SCN3A: variants seen among roughly 807,000 people sequenced by gnomAD.
SCN3A encodes the protein sodium voltage-gated channel alpha subunit 3.
Under a neutral mutation model 187.6 loss-of-function variants are expected in SCN3A, and 60 were observed. The observed-to-expected ratio is 0.32, with a 90% confidence interval of 0.26 to 0.40. SCN3A has a LOEUF of 0.40. SCN3A is among the 10% of genes least tolerant of loss of function. SCN3A has a pLI of 1.00. For synonymous variants in SCN3A, 788 were observed against 829.2 expected (o/e 0.95, Z 0.85); for missense variants, 1,601 against 2,428.2 (o/e 0.66, Z 7.16).
chr2:165,147,287 G>T (rs910587063), intron 11 of SCN3A, among the ~76,000 whole-genome samples: 125 of 138,252 alleles, frequency 9.0e-4, no homozygotes, highest in Non-Finnish European at 1.7e-3. Flanking sequence ...TTTTTTTGGG[G>T]GGGGGGGGTT....
At chr2:165,189,140 C>T (rs549633818) in intron 1 of SCN3A, among the ~76,000 whole-genome samples, 59 of 152,226 alleles carry the variant, frequency 3.9e-4, no homozygotes, top group African/African-American at 1.4e-3. Context: ...AAAACAAACA[C>T]ATTTCCTAAA....
rs191523092 is a variant in SCN3A, at chr2:165,172,777, C to T, written c.265-2229G>A. ...TACTAGCGGAATTACAGCTGACATG[C>T]TAAGAGCATCTTCGTTGAATTTATA... On this transcript the variant is annotated intron_variant, in intron 3 of 27. Transcript: ENST00000283254. Among the ~76,000 whole-genome samples, 10 of 152,202 alleles carry T rather than the reference C, an allele frequency of 6.6e-5. No individual in the cohort carries two copies. In the East Asian group the frequency reaches 1.9e-3, roughly 29 times the overall value.
chr2:165,121,962 G>A (rs983530446), intron 18 of SCN3A, among the ~76,000 whole-genome samples: 8 of 152,080 alleles, frequency 5.3e-5, no homozygotes, highest in African/African-American at 1.9e-4. Context: ...CATTTAGGGA[G>A]AAATTAACAT....
chr2:165,183,037 C>T (rs1434617782), intron 2 of SCN3A, among the ~76,000 whole-genome samples: 4 of 150,442 alleles, frequency 2.7e-5, no homozygotes, highest in South Asian at 2.1e-4. Flanking sequence ...AGAATATTCA[C>T]GGCATTGCCT....
intron 21 of SCN3A, among the ~76,000 whole-genome samples, chr2:165,103,602 G>T (rs915225630): frequency 5.3e-5 from 8 of 152,118 alleles, no homozygotes; most frequent in Non-Finnish European, 1.2e-4. Context: ...TCAGGGGTTG[G>T]TTCAGTTGTC....
chr2:165,181,135 T>G (rs1158985318), intron 2 of SCN3A, among the ~76,000 whole-genome samples: 1 of 152,180 alleles, frequency 6.6e-6, no homozygotes, highest in Non-Finnish European at 1.5e-5. Flanking sequence ...GAGAATACAT[T>G]TAGATTTTCA....
At position 165,168,759 on chromosome 2, in the gene SCN3A, A is replaced by G. The variant is rs1290957949; in HGVS notation, c.450T>C (p.Pro150=). 2 of 1,611,098 alleles carry G rather than the reference A, an allele frequency of 1.2e-6. No homozygotes were observed. The highest frequency in any genetic ancestry group is 2.7e-5 in the African/African-American group (2 of 74,816). The change falls in exon 5 of 28, where the codon CCT becomes CCC. Residue 150 remains proline, a synonymous_variant. Transcript: ENST00000283254. ...TNCVFMTLSN[P]PDWTKNVEYT... The stretch of plus-strand genomic sequence containing the variant: ...ACTCTACATTCTTTGTCCAGTCAGG[A>G]GGGTTGCTCAAGGTCATAAATACAC...
intron 15 of SCN3A, among the ~76,000 whole-genome samples, chr2:165,135,082 G>T (rs1026542085): frequency 6.6e-6 from 1 of 151,818 alleles, no homozygotes. Context: ...GATTGTTTTT[G>T]GTACATTTTA....
intron 2 of SCN3A, among the ~76,000 whole-genome samples, chr2:165,177,601 C>T (rs904403769): frequency 7.2e-5 from 11 of 152,010 alleles, no homozygotes; most frequent in East Asian, 1.9e-4. Context: ...ATTGTGACTA[C>T]GGAATTAAAG....
chr2:165,202,341 A>G (rs11673791), intron 1 of SCN3A, among the ~76,000 whole-genome samples: 3,054 of 152,142 alleles, frequency 0.02, 45 homozygotes, highest in Non-Finnish European at 0.028. Context: ...GCATTCATTC[A>G]TAAATGTAAA....
intron 7 of SCN3A, among the ~76,000 whole-genome samples, 170 bp downstream of exon 7, chr2:165,163,448 C>T (rs931347483): frequency 2.6e-5 from 4 of 152,054 alleles, no homozygotes; most frequent in Admixed American, 1.3e-4. Flanking sequence ...TTTATAAATA[C>T]GCATGTAATT....
chr2:165,156,047 G>T, intron 9 of SCN3A, 144 bp from the exon 10 acceptor site: 1 of 928,420 alleles, frequency 1.1e-6, no homozygotes, highest in Non-Finnish European at 1.7e-6. Flanking sequence ...TTAGGTGATT[G>T]CCCACCGTGA....
chr2:165,197,293 C>T (rs899991238), intron 1 of SCN3A, among the ~76,000 whole-genome samples: 1 of 152,098 alleles, frequency 6.6e-6, no homozygotes, highest in African/African-American at 2.4e-5. Context: ...GCCAAGTTTT[C>T]ATTGGCTTCT....
chr2:165,141,233 T>C (rs1032910881), intron 12 of SCN3A, among the ~76,000 whole-genome samples: 4 of 152,346 alleles, frequency 2.6e-5, no homozygotes, highest in East Asian at 3.9e-4. Flanking sequence ...TTACTAAGTA[T>C]ACAACCACTT....
In SCN3A at chr2:165,111,484, T is replaced by TACAC. The variant is rs60417556; in HGVS notation, c.3843+1397_3843+1400dup. Reference sequence around the variant, plus strand: ...CAAAGCCAGTCTGATGCCAGTCTGATACACACACACACACACACACACACA... The same window carrying TACAC: ...CAAAGCCAGTCTGATGCCAGTCTGATACACACACACACACACACACACACACACA... On this transcript the variant is annotated intron_variant, in intron 21 of 27. Transcript: ENST00000283254. Among the ~76,000 whole-genome samples, 308 of 142,616 alleles carry TACAC rather than the reference T, an allele frequency of 2.2e-3. 6 individuals carry two copies. Among genetic ancestry groups the TACAC allele is most frequent in the East Asian group, 0.02 (92 of 4,640 alleles). 93.6% of individuals were successfully genotyped at this position (142,616 alleles called of 152,430 possible).
rs534330091 is a variant in SCN3A, at chr2:165,088,787, C to T, written c.*1363G>A. The T allele has an allele frequency of 6.6e-6, 1 of 152,548 alleles. No homozygotes were observed. Among genetic ancestry groups the T allele is most frequent in the East Asian group, 1.9e-4 (1 of 5,184 alleles). The allele number at this position is 152,548 out of a possible 1,614,324, so 9.4% of individuals were successfully genotyped here. ...TATTTTTACATTATTTATATTTAAA[C>T]AAGTTTTAGACATATTTTTAGCAAA... On this transcript the variant is annotated 3_prime_UTR_variant, in exon 28 of 28. Coordinates refer to ENST00000283254, the MANE Select transcript of SCN3A (RefSeq NM_006922.4).
intron 21 of SCN3A, among the ~76,000 whole-genome samples, chr2:165,106,893 G>C (rs1685888802): frequency 6.6e-6 from 1 of 152,166 alleles, no homozygotes; most frequent in Admixed American, 6.5e-5. Context: ...GCTTGGTCCA[G>C]TTGATTGCAG....
At chr2:165,094,267 G>T in intron 26 of SCN3A, 107 bp downstream of exon 26, 1 of 846,904 alleles carries the variant, frequency 1.2e-6, no homozygotes, top group Non-Finnish European at 2.1e-6. Flanking sequence ...TATAATTAGG[G>T]CTCAATATTG....
At chr2:165,139,744 T>G in intron 13 of SCN3A, 136 bp from the exon 14 acceptor site, 1 of 1,105,258 alleles carries the variant, frequency 9.0e-7, no homozygotes, top group African/African-American at 1.6e-5. Context: ...ATTGAATTAT[T>G]GCTAAGTTAT....
Sources: gnomAD v4.1 joint callset for allele counts (sites outside exome capture counted in the v4.1 genomes callset) on GRCh38, gnomAD v4.1.1 for gene constraint, MANE v1.5 for transcripts, NCBI Gene and HGNC (gene_info 2026-07-23, HGNC 2026-07-21) for gene names.